PASD1: variants seen among roughly 807,000 people sequenced by gnomAD.
PASD1 encodes circadian clock protein PASD1.
Under a neutral mutation model 58.8 loss-of-function variants are expected in PASD1, and 13 were observed. The ratio of observed to expected loss-of-function variants is 0.22; its 90% CI spans 0.14 to 0.35. PASD1 has a LOEUF of 0.35. PASD1 is among the 10% of genes least tolerant of loss of function. PASD1 has a pLI of 1.00. For synonymous variants in PASD1, 236 were observed against 216.7 expected, an observed-to-expected ratio of 1.09 and a Z score of -0.78; for missense variants, 734 against 568.3, an observed-to-expected ratio of 1.29 and a Z score of -2.96.
chrX:151,659,189 G>A (rs1232464236), intron 9 of PASD1, among the ~76,000 whole-genome samples: 1 of 112,285 alleles, frequency 8.9e-6, no homozygotes, highest in Admixed American at 9.4e-5. Context: ...TTGTTAAACA[G>A]CCCCTGGTTG....
intron 11 of PASD1, among the ~76,000 whole-genome samples, 191 bp downstream of exon 11, chrX:151,664,539 CAG>C (rs1291355639): frequency 8.9e-6 from 1 of 112,594 alleles, no homozygotes; most frequent in Non-Finnish European, 1.9e-5. Context: ...CCCTCACAAA[CAG>C]GGAGATTGGA....
Position 151,672,408 on chromosome X carries a change from C to A in PASD1, c.1663C>A (p.Gln555Lys), listed in dbSNP as rs1285426132. Reference protein sequence around the residue: ...ERKKWQGQMLQKEPEEEQQKQ... With the variant: ...ERKKWQGQMLKKEPEEEQQKQ... ...GAAGAAGTGGCAGGGGCAGATGCTA[C>A]AGAAAGAGCCAGAGGAGGAGCAGCA... The change falls in exon 14 of 16, where the codon CAG becomes AAG. Residue 555 changes from glutamine (Q) to lysine (K), a missense_variant. Coordinates refer to ENST00000370357, the MANE Select transcript of PASD1 (RefSeq NM_173493.3). 1.7e-6 allele frequency: 2 copies of A among 1,210,306 alleles called. No individual in the cohort carries two copies. Among genetic ancestry groups the A allele is most frequent in the Non-Finnish European group, 2.2e-6 (2 of 894,846 alleles).
chrX:151,614,015 A>C (rs2013604906), intron 4 of PASD1, among the ~76,000 whole-genome samples: 1 of 107,758 alleles, frequency 9.3e-6, no homozygotes, highest in Non-Finnish European at 1.9e-5. Context: ...ATTGGGTCTC[A>C]CTCTTGTCAC....
chrX:151,591,552 A>G, intron 1 of PASD1, among the ~76,000 whole-genome samples: 1 of 112,030 alleles, frequency 8.9e-6, no homozygotes, highest in Non-Finnish European at 1.9e-5. Flanking sequence ...TATTTTGCAT[A>G]GGAGGGCTGA....
intron 11 of PASD1, among the ~76,000 whole-genome samples, chrX:151,667,784 C>T (rs763349538): frequency 1.8e-5 from 2 of 111,762 alleles, no homozygotes; most frequent in South Asian, 3.8e-4. Context: ...GTTACTGTAG[C>T]CTTGTGGTAT....
At chrX:151,655,905 T>G (rs1419571743) in intron 9 of PASD1, among the ~76,000 whole-genome samples, 6 of 112,181 alleles carry the variant, frequency 5.3e-5, no homozygotes, top group Non-Finnish European at 7.5e-5. Flanking sequence ...TTGCTTTTGG[T>G]GTTTTAGACA....
intron 4 of PASD1, among the ~76,000 whole-genome samples, chrX:151,616,514 T>TTC (rs1556159587): frequency 7.3e-5 from 8 of 108,969 alleles, no homozygotes; most frequent in African/African-American, 2.0e-4. Context: ...GTTTTTTTTT[T>TTC]CCTTTGGAAA....
At chrX:151,576,404 T>A (rs2013006728) in intron 1 of PASD1, among the ~76,000 whole-genome samples, 1 of 112,336 alleles carries the variant, frequency 8.9e-6, no homozygotes, top group Admixed American at 9.4e-5. Flanking sequence ...ATTCAAATAG[T>A]CAAAATCAAC....
chrX:151,660,852 A>T (rs1360902534), intron 10 of PASD1, among the ~76,000 whole-genome samples: 1 of 112,326 alleles, frequency 8.9e-6, no homozygotes, highest in Non-Finnish European at 1.9e-5. Context: ...GGAATCAGAA[A>T]ATTAAAAAAT....
chrX:151,635,031 GTTAT>G (rs1406062238), intron 8 of PASD1, among the ~76,000 whole-genome samples: 1 of 111,339 alleles, frequency 9.0e-6, no homozygotes, highest in Non-Finnish European at 1.9e-5. Flanking sequence ...TAATTGAATC[GTTAT>G]TTATTTATTC....
intron 4 of PASD1, 119 bp from the exon 5 acceptor site, chrX:151,620,811 T>C: frequency 2.3e-6 from 1 of 431,034 alleles, no homozygotes. Flanking sequence ...GGGCAGAGCA[T>C]AAGCTCACTG....
intron 8 of PASD1, among the ~76,000 whole-genome samples, chrX:151,640,758 C>G (rs940525513): frequency 1.3e-4 from 15 of 111,669 alleles, no homozygotes; most frequent in African/African-American, 4.9e-4. Context: ...ATTCCAGTGA[C>G]TCACCAACCA....
intron 1 of PASD1, among the ~76,000 whole-genome samples, chrX:151,599,456 C>G (rs1452961524): frequency 9.2e-6 from 1 of 108,761 alleles, no homozygotes; most frequent in Non-Finnish European, 1.9e-5. Flanking sequence ...GGGCTGCCCG[C>G]CACCTCCCGG....
intron 1 of PASD1, among the ~76,000 whole-genome samples, chrX:151,578,809 C>T (rs1298614146): frequency 8.9e-6 from 1 of 112,227 alleles, no homozygotes; most frequent in Non-Finnish European, 1.9e-5. Context: ...AGTGTGGACA[C>T]CAGCATCACA....
At chrX:151,655,015 C>A (rs2014218633) in intron 9 of PASD1, among the ~76,000 whole-genome samples, 2 of 109,741 alleles carry the variant, frequency 1.8e-5, no homozygotes, top group Admixed American at 2.0e-4. Flanking sequence ...CCCCCCACCC[C>A]ATGACAGGCC....
intron 1 of PASD1, among the ~76,000 whole-genome samples, chrX:151,579,269 C>T (rs1014012683): frequency 8.9e-6 from 1 of 112,033 alleles, no homozygotes; most frequent in African/African-American, 3.2e-5. Flanking sequence ...GTAAAGGCTT[C>T]AAGTTTAACT....
chrX:151,632,314 G>A (rs2013879024), intron 8 of PASD1, among the ~76,000 whole-genome samples: 1 of 111,563 alleles, frequency 9.0e-6, no homozygotes, highest in Non-Finnish European at 1.9e-5. Context: ...GGAGGAGCAA[G>A]CCTTGTGGAT....
intron 8 of PASD1, among the ~76,000 whole-genome samples, chrX:151,629,735 G>A (rs1487107918): frequency 3.6e-5 from 4 of 112,225 alleles, no homozygotes; most frequent in African/African-American, 1.3e-4. Context: ...ACACTGACAT[G>A]CTCTTGTCTA....
rs953121875 is a variant in PASD1, at chrX:151,582,073, G to A, written c.-28+18234G>A. On this transcript the variant is annotated intron_variant, in intron 1 of 15. Coordinates refer to ENST00000370357, the MANE Select transcript of PASD1 (RefSeq NM_173493.3). Reference sequence around the variant, plus strand: ...ACGATCTCAGCTCACTGCAACCTCCGCCTCCCGGGTTCACGTGATTCACCT... The same window carrying A: ...ACGATCTCAGCTCACTGCAACCTCCACCTCCCGGGTTCACGTGATTCACCT... 6.8e-5 allele frequency among the ~76,000 whole-genome samples: 6 copies of A among 88,875 alleles called. No homozygotes were observed. In the South Asian group the frequency reaches 2.1e-3, roughly 31 times the overall value. The allele number at this position is 88,875 out of a possible 115,157, so 77.2% of individuals were successfully genotyped here.
Sources: allele counts gnomAD v4.1 joint callset (sites outside exome capture counted in the v4.1 genomes callset), GRCh38; gene constraint gnomAD v4.1.1; transcripts MANE v1.5; gene names NCBI Gene and HGNC (gene_info 2026-07-23, HGNC 2026-07-21).